GRAMD1B: variants seen among roughly 807,000 people sequenced by gnomAD.
GRAMD1B encodes protein Aster-B.
A neutral mutation model predicts 99.7 loss-of-function variants in GRAMD1B; 37 were observed. The observed-to-expected ratio is 0.37, with a 90% CI of 0.29 to 0.49. GRAMD1B has a LOEUF of 0.49. GRAMD1B is among the 20% of genes least tolerant of loss of function. The pLI, the probability that GRAMD1B is intolerant of heterozygous loss-of-function variation, is 0.98. For missense variants in GRAMD1B, 888 were observed against 1,009.2 expected (o/e 0.88, Z 1.63); for synonymous variants, 427 against 387.6 (o/e 1.10, Z -1.19).
chr11:123,380,760 C>T (rs1041509368), intron 1 of GRAMD1B, among the ~76,000 whole-genome samples: 3 of 152,160 alleles, frequency 2.0e-5, no homozygotes, highest in African/African-American at 4.8e-5. Flanking sequence ...TTTTGGTCCC[C>T]TTTTGTCCAC....
chr11:123,502,492 A>T (rs1939964793), intron 2 of GRAMD1B, among the ~76,000 whole-genome samples: 1 of 152,024 alleles, frequency 6.6e-6, no homozygotes, highest in Non-Finnish European at 1.5e-5. Flanking sequence ...CCCATCATAA[A>T]TTGAAAATAC....
At chr11:123,375,244 T>G (rs1192116084) in intron 1 of GRAMD1B, among the ~76,000 whole-genome samples, 2 of 152,198 alleles carry the variant, frequency 1.3e-5, no homozygotes, top group African/African-American at 4.8e-5. Context: ...CCCGAGCTTT[T>G]AACACAACTA....
intron 1 of GRAMD1B, among the ~76,000 whole-genome samples, chr11:123,419,181 A>G (rs967532690): frequency 6.6e-6 from 1 of 152,228 alleles, no homozygotes; most frequent in Non-Finnish European, 1.5e-5. Flanking sequence ...GACTTGCTAC[A>G]TATAGAACTT....
At chr11:123,440,437 A>C (rs1241886753) in intron 1 of GRAMD1B, among the ~76,000 whole-genome samples, 1 of 152,126 alleles carries the variant, frequency 6.6e-6, no homozygotes, top group African/African-American at 2.4e-5. Flanking sequence ...TTAAACCGGG[A>C]AACAGTGGTT....
intron 1 of GRAMD1B, among the ~76,000 whole-genome samples, chr11:123,394,341 GTC>G: frequency 1.3e-5 from 2 of 152,294 alleles, no homozygotes; most frequent in South Asian, 4.1e-4. Flanking sequence ...ACCATTTTGT[GTC>G]TCTCAAACAT....
intron 2 of GRAMD1B, among the ~76,000 whole-genome samples, chr11:123,500,555 A>G (rs1302244234): frequency 6.6e-6 from 1 of 152,206 alleles, no homozygotes; most frequent in East Asian, 1.9e-4. Context: ...ACCAGTCTAC[A>G]AATGTGACCA....
exon 1 of GRAMD1B, chr11:123,358,465 C>A (rs560196893): frequency 6.6e-6 from 1 of 152,256 alleles, no homozygotes; most frequent in South Asian, 2.1e-4. Context: ...TCCGAGCCCA[C>A]GGAGAGCGGG....
At chr11:123,563,656 G>A (rs554364025) in intron 2 of GRAMD1B, among the ~76,000 whole-genome samples, 2 of 152,198 alleles carry the variant, frequency 1.3e-5, no homozygotes, top group East Asian at 3.9e-4. Flanking sequence ...GGATTACACA[G>A]TGTGAACCAC....
At chr11:123,463,149 C>T (rs946471506) in intron 1 of GRAMD1B, among the ~76,000 whole-genome samples, 41 of 152,298 alleles carry the variant, frequency 2.7e-4, no homozygotes, top group African/African-American at 9.1e-4. Flanking sequence ...GCTGGAACTA[C>T]AGGCATGGGC....
At chr11:123,382,683 G>A (rs2135798820) in intron 1 of GRAMD1B, among the ~76,000 whole-genome samples, 1 of 152,252 alleles carries the variant, frequency 6.6e-6, no homozygotes, top group Middle Eastern at 3.4e-3. Flanking sequence ...GGACTTGGCA[G>A]GATGCAGATG....
At chr11:123,572,903 A>AC (rs1421037145) in intron 2 of GRAMD1B, among the ~76,000 whole-genome samples, 2 of 125,560 alleles carry the variant, frequency 1.6e-5, no homozygotes, top group African/African-American at 6.2e-5. Context: ...GCGCAGGTAG[A>AC]CCCCGATGGC....
chr11:123,624,403 G>A lies in GRAMD1B; in HGVS notation c.*1808G>A, dbSNP rs964031317. The A allele has an allele frequency of 2.0e-5, 3 of 152,240 alleles. No individual in the cohort carries two copies. The highest frequency in any genetic ancestry group is 7.2e-5 in the African/African-American group (3 of 41,450). The allele number at this position is 152,240 out of a possible 1,614,324, so 9.4% of individuals were successfully genotyped here. ...AAGGGCAGGATCAGAAAACAGGAAG[G>A]TCCATGCCCAGGTGATCCTCCAAGG... is the stretch of plus-strand genomic sequence containing the variant. On this transcript the variant is annotated 3_prime_UTR_variant, in exon 20 of 20. Transcript: ENST00000635736.
chr11:123,442,358 A>G (rs950144949), intron 1 of GRAMD1B, among the ~76,000 whole-genome samples: 23 of 152,210 alleles, frequency 1.5e-4, no homozygotes, highest in African/African-American at 5.5e-4. Context: ...CGATTAATTT[A>G]CTAGAGCTGT....
upstream of GRAMD1B, among the ~76,000 whole-genome samples, chr11:123,430,091 CTGAT>C (rs1192831550): frequency 6.6e-6 from 1 of 152,026 alleles, no homozygotes; most frequent in African/African-American, 2.4e-5. Context: ...TTTCAGTAGG[CTGAT>C]TGGAGCAGCC....
intron 1 of GRAMD1B, among the ~76,000 whole-genome samples, chr11:123,369,252 GA>G (rs1946435374): frequency 3.3e-5 from 5 of 152,254 alleles, no homozygotes; most frequent in Admixed American, 3.3e-4. Context: ...AGTGAGCTAT[GA>G]TCACACCATT....
intron 1 of GRAMD1B, among the ~76,000 whole-genome samples, chr11:123,403,676 T>C (rs1416301816): frequency 6.6e-6 from 1 of 151,536 alleles, no homozygotes; most frequent in African/African-American, 2.4e-5. Flanking sequence ...CCCGAGTAGC[T>C]GGGATTACAG....
At chr11:123,583,237 A>C (rs566776840) in intron 3 of GRAMD1B, among the ~76,000 whole-genome samples, 1 of 141,056 alleles carries the variant, frequency 7.1e-6, no homozygotes, top group African/African-American at 2.7e-5. Flanking sequence ...GTATGTGTGC[A>C]TGTCTGTGTG....
intron 2 of GRAMD1B, among the ~76,000 whole-genome samples, chr11:123,496,512 G>A (rs1591711940): frequency 6.6e-6 from 1 of 151,824 alleles, no homozygotes; most frequent in Non-Finnish European, 1.5e-5. Flanking sequence ...CTCTAGGTTT[G>A]AGAAGTTCTG....
At chr11:123,618,587 T>C (rs1389242313) in intron 17 of GRAMD1B, 106 bp from the exon 18 acceptor site, 11 of 821,764 alleles carry the variant, frequency 1.3e-5, no homozygotes, top group Non-Finnish European at 2.2e-5. Context: ...ACTGCAATGC[T>C]TTGGATGGCC....
Sources: allele counts gnomAD v4.1 joint callset (sites outside exome capture counted in the v4.1 genomes callset), GRCh38; gene constraint gnomAD v4.1.1; transcripts MANE v1.5; gene names NCBI Gene and HGNC (gene_info 2026-07-23, HGNC 2026-07-21).